The following ANO6 variants were observed in gnomAD, a reference collection of about 807,000 sequenced individuals.
The protein encoded by ANO6 is anoctamin 6.
Under a neutral mutation model 117.5 loss-of-function variants are expected in ANO6, and 106 were observed. The observed-to-expected ratio is 0.90, with a 90% CI of 0.77 to 1.06. The LOEUF is 1.06. Ranked by LOEUF, ANO6 falls within the 50% of genes least tolerant of loss-of-function variation. ANO6 has a pLI of 0.00. For synonymous variants in ANO6, 367 were observed against 385.1 expected (o/e 0.95, Z 0.55); for missense variants, 955 against 1,121.1 (o/e 0.85, Z 2.12).
chr12:45,229,390 GT>G (rs11422062), intron 1 of ANO6, among the ~76,000 whole-genome samples: 11 of 127,318 alleles, frequency 8.6e-5, no homozygotes, highest in East Asian at 2.3e-4. Context: ...TTTATTTTTA[GT>G]TTTTTTTTTT....
Position 45,432,020 on chromosome 12 carries a change from CAA to C in ANO6, c.*2711_*2712del, listed in dbSNP as rs1943644020. ...ACAAGGCCATCTTATAAACTGTCACCAAAGTCTTCCCTTTTTTATTGCATGTG... is the reference window on the plus strand; with the variant it reads ...ACAAGGCCATCTTATAAACTGTCACCAGTCTTCCCTTTTTTATTGCATGTG... On this transcript the variant is annotated 3_prime_UTR_variant, in exon 20 of 20. Transcript: ENST00000320560. 7.1e-6 allele frequency: 7 copies of C among 985,296 alleles called. No individual in the cohort carries two copies. Among genetic ancestry groups the C allele is most frequent in the Non-Finnish European group, 8.4e-6 (7 of 829,858 alleles). The allele number at this position is 985,296 out of a possible 1,614,324, so 61.0% of individuals were successfully genotyped here.
In ANO6 at chr12:45,409,396, T is replaced by G. The variant is rs530970448; in HGVS notation, c.1920T>G (p.Ser640=). Residue 640 remains serine (S), a synonymous_variant, in exon 16 of 20, where the codon TCT becomes TCG. Transcript: ENST00000320560. ...MNLIGRFHRV[S]GSEKITPRWE... is the part of the protein sequence containing the mutation. ...TAATTGGGCGATTTCACAGAGTTTC[T>G]GGATCAGAAAAGATAACCCCACGAT... The G allele has an allele frequency of 1.1e-4, 185 of 1,614,086 alleles. No homozygotes were observed. The South Asian group carries it at 1.9e-3, about 17-fold the overall frequency.
At position 45,343,714 on chromosome 12, in the gene ANO6, A is replaced by G. The variant is rs188933634; in HGVS notation, c.280-3308A>G. ...GGGTTAGATAAATAAGGTTAGAGAT[A>G]GGCAGCCAGAAGCAGTACCTTAAAT... On this transcript the variant is annotated intron_variant, in intron 3 of 19. Transcript: ENST00000320560. Among the ~76,000 whole-genome samples the G allele has an allele frequency of 3.5e-4, 54 of 152,314 alleles. 2 individuals are homozygous for G. Among genetic ancestry groups the G allele is most frequent in the Admixed American group, 3.0e-3 (46 of 15,296 alleles).
chr12:45,220,380 C>A (rs1474877731), intron 1 of ANO6, among the ~76,000 whole-genome samples: 1 of 152,174 alleles, frequency 6.6e-6, no homozygotes, highest in African/African-American at 2.4e-5. Context: ...GCTATTGGCT[C>A]CCTTTTCAAC....
intron 3 of ANO6, among the ~76,000 whole-genome samples, chr12:45,337,809 C>T (rs1056262379): frequency 2.6e-5 from 4 of 151,834 alleles, no homozygotes; most frequent in East Asian, 1.9e-4. Flanking sequence ...AAGTTTGTGA[C>T]GTGTAAATGC....
rs112400147 is a variant in ANO6 at position 45,308,736 on chromosome 12, G to A, written c.150+6643G>A. ...AAAGTTTTAGGATTTCTGGGCTGTG[G>A]CCAGGGCCTGTGTGGGGCTGATGAT... On this transcript the variant is annotated intron_variant, in intron 2 of 19. Coordinates refer to ENST00000320560, the MANE Select transcript of ANO6 (RefSeq NM_001025356.3). Among the ~76,000 whole-genome samples, 1,213 of 152,218 alleles carry A rather than the reference G, an allele frequency of 8.0e-3. 15 individuals carry two copies. The highest frequency in any genetic ancestry group is 0.028 in the African/African-American group (1,169 of 41,546).
intron 1 of ANO6, among the ~76,000 whole-genome samples, chr12:45,282,596 T>A (rs1938776760): frequency 6.6e-6 from 1 of 152,200 alleles, no homozygotes; most frequent in Non-Finnish European, 1.5e-5. Context: ...TAGAGCCGGC[T>A]GGTGACTGAT....
chr12:45,429,308 A>AT lies in ANO6; in HGVS notation c.2731dup (p.Ter911LeufsTer20). 1 of 1,613,294 alleles carries AT rather than the reference A, an allele frequency of 6.2e-7. No individual in the cohort carries two copies. The highest frequency in any genetic ancestry group is 8.5e-7 in the Non-Finnish European group (1 of 1,179,636). On this transcript the variant is annotated frameshift_variant, in exon 20 of 20. Transcript: ENST00000320560. LOFTEE classifies it high-confidence loss of function. The stretch of plus-strand genomic sequence containing the variant: ...ATAACAATTTACGGCCAAAATCAGA[A>AT]TAAGAGCTTTATGTTCTGAGAAGCA...
intron 19 of ANO6, among the ~76,000 whole-genome samples, chr12:45,428,522 A>G (rs1412078447): frequency 3.9e-5 from 6 of 152,156 alleles, no homozygotes; most frequent in Admixed American, 1.3e-4. Flanking sequence ...AGGAGGCTTC[A>G]GTGAGCTATG....
At chr12:45,366,378 C>G (rs553144476) in intron 8 of ANO6, among the ~76,000 whole-genome samples, 1 of 151,674 alleles carries the variant, frequency 6.6e-6, no homozygotes, top group East Asian at 1.9e-4. Context: ...TAAGTTGGTA[C>G]GTTGGCATTC....
intron 1 of ANO6, among the ~76,000 whole-genome samples, chr12:45,249,994 G>A (rs1190954336): frequency 6.6e-6 from 1 of 152,200 alleles, no homozygotes; most frequent in Non-Finnish European, 1.5e-5. Flanking sequence ...AAGATCACCT[G>A]TTTCCTGTAA....
chr12:45,417,811 G>T (rs988232571), intron 17 of ANO6, among the ~76,000 whole-genome samples: 8 of 152,174 alleles, frequency 5.3e-5, no homozygotes, highest in Non-Finnish European at 1.0e-4. Flanking sequence ...AACAACAGAA[G>T]TTGGCAGTGC....
chr12:45,351,003 T>C (rs1177672543), intron 7 of ANO6, among the ~76,000 whole-genome samples: 3 of 152,230 alleles, frequency 2.0e-5, no homozygotes, highest in Admixed American at 1.3e-4. Flanking sequence ...CAGTAATATG[T>C]GGCTCAAAGC....
At chr12:45,250,698 C>T (rs1734990127) in intron 1 of ANO6, among the ~76,000 whole-genome samples, 1 of 150,708 alleles carries the variant, frequency 6.6e-6, no homozygotes, top group South Asian at 2.1e-4. Context: ...CCACTGTGCC[C>T]AGCCTTAACT....
chr12:45,337,392 T>G (rs1344762132), intron 3 of ANO6, among the ~76,000 whole-genome samples: 1 of 152,120 alleles, frequency 6.6e-6, no homozygotes, highest in Non-Finnish European at 1.5e-5. Flanking sequence ...GATTGTAGCC[T>G]GAGAGCGGCA....
intron 2 of ANO6, among the ~76,000 whole-genome samples, chr12:45,330,058 G>A (rs547262497): frequency 1.3e-5 from 2 of 152,164 alleles, no homozygotes; most frequent in South Asian, 2.1e-4. Flanking sequence ...TGGCAGTCAC[G>A]CTGTTTGTGC....
At chr12:45,286,663 A>T (rs1455330646) in intron 1 of ANO6, among the ~76,000 whole-genome samples, 1 of 152,226 alleles carries the variant, frequency 6.6e-6, no homozygotes, top group Non-Finnish European at 1.5e-5. Flanking sequence ...CTCTTTTAAA[A>T]ATGAAAAGAA....
At chr12:45,350,617 C>T in intron 6 of ANO6, 42 bp from the exon 7 acceptor site, 1 of 1,496,720 alleles carries the variant, frequency 6.7e-7, no homozygotes, top group Non-Finnish European at 9.3e-7. Flanking sequence ...TTTGTGAAAA[C>T]ACGATGATTA....
chr12:45,416,797 T>A lies in ANO6; in HGVS notation c.2110T>A (p.Trp704Arg), dbSNP rs1943224843. 2 of 1,614,154 alleles carry A rather than the reference T, an allele frequency of 1.2e-6. No individual in the cohort carries two copies. The highest frequency in any genetic ancestry group is 2.2e-5 in the South Asian group (2 of 91,082). The change falls in exon 17 of 20, where the codon TGG becomes AGG. Residue 704 changes from tryptophan (W) to arginine (R), a missense_variant. Transcript: ENST00000320560. Reference protein sequence around the residue: ...NNILEIRVDAWKLTTQFRRLV... With the variant: ...NNILEIRVDARKLTTQFRRLV... ...TATATTGGAAATAAGAGTGGACGCA[T>A]GGAAACTGACCACCCAGTTTAGACG...
Sources: allele counts gnomAD v4.1 joint callset (sites outside exome capture counted in the v4.1 genomes callset), GRCh38; gene constraint gnomAD v4.1.1; transcripts MANE v1.5; gene names NCBI Gene and HGNC (gene_info 2026-07-23, HGNC 2026-07-21).